The following MGAT4C variants were observed in gnomAD, a reference collection of about 807,000 sequenced individuals.
MGAT4C encodes the protein alpha-1,3-mannosyl-glycoprotein 4-beta-N-acetylglucosaminyltransferase C.
Under a neutral mutation model 40.1 loss-of-function variants are expected in MGAT4C, and 19 were observed. The ratio of observed to expected loss-of-function variants is 0.47; its 90% CI spans 0.33 to 0.70. MGAT4C has a LOEUF of 0.70. Among genes scored for constraint, MGAT4C ranks in the 30% least tolerant of loss-of-function variants. MGAT4C has a pLI of 0.02. For missense variants in MGAT4C, 491 were observed against 563.2 expected, an observed-to-expected ratio of 0.87 and a Z score of 1.30; for synonymous variants, 181 against 187.1, an observed-to-expected ratio of 0.97 and a Z score of 0.27.
In MGAT4C at chr12:85,978,227, T is replaced by C. The variant is rs1884156861; in HGVS notation, c.*1062A>G. ...AAATAGAACACAAAGCATAAATCTG[T>C]CAGGAGAAATCATACGAGAAAAAGA... On this transcript the variant is annotated 3_prime_UTR_variant, in exon 5 of 5. Coordinates refer to ENST00000611864, the MANE Select transcript of MGAT4C (RefSeq NM_001351288.2). 1 of 151,626 alleles carries C rather than the reference T, an allele frequency of 6.6e-6. No homozygotes were observed. The highest frequency in any genetic ancestry group is 2.4e-5 in the African/African-American group (1 of 41,380). 9.4% of individuals were successfully genotyped at this position (151,626 alleles called of 1,614,324 possible).
intron 3 of MGAT4C, among the ~76,000 whole-genome samples, chr12:86,388,828 C>G (rs1225177872): frequency 1.3e-5 from 2 of 151,536 alleles, no homozygotes; most frequent in Non-Finnish European, 2.9e-5. Context: ...ATTACAGGCA[C>G]CAGCCACCAT....
At chr12:86,616,808 T>C (rs1373866282) in intron 2 of MGAT4C, among the ~76,000 whole-genome samples, 1 of 151,964 alleles carries the variant, frequency 6.6e-6, no homozygotes, top group Non-Finnish European at 1.5e-5. Context: ...AGTAAACATA[T>C]GTATCCACAT....
At position 85,979,283 on chromosome 12, in the gene MGAT4C, A is replaced by G. The variant is rs1218816197; in HGVS notation, c.*6T>C. 1 of 1,572,170 alleles carries G rather than the reference A, an allele frequency of 6.4e-7. No homozygotes were observed. Among genetic ancestry groups the G allele is most frequent in the South Asian group, 1.2e-5 (1 of 83,830 alleles). On this transcript the variant is annotated 3_prime_UTR_variant, in exon 5 of 5. Transcript: ENST00000611864. The stretch of plus-strand genomic sequence containing the variant: ...CTTCAGAAACTGAACATACTGATTT[A>G]ATTGGCTAAGAAGTCCAAATGCTAA...
chr12:86,468,067 G>A (rs557265029), intron 2 of MGAT4C, among the ~76,000 whole-genome samples: 55 of 152,056 alleles, frequency 3.6e-4, no homozygotes, highest in Non-Finnish European at 6.5e-4. Flanking sequence ...TGTCTCAAAT[G>A]AATATCCACA....
chr12:86,024,220 C>T (rs1321961283), intron 2 of MGAT4C, among the ~76,000 whole-genome samples: 8 of 151,732 alleles, frequency 5.3e-5, no homozygotes, highest in African/African-American at 1.9e-4. Context: ...GCGTAAATAA[C>T]GTTAAACTGG....
intron 3 of MGAT4C, among the ~76,000 whole-genome samples, chr12:86,376,510 A>G (rs2136215934): frequency 6.6e-6 from 1 of 152,272 alleles, no homozygotes. Flanking sequence ...TCCTGTGCCT[A>G]GAACAATATA....
At chr12:86,529,562 C>T (rs1196695277) in intron 2 of MGAT4C, among the ~76,000 whole-genome samples, 1 of 151,928 alleles carries the variant, frequency 6.6e-6, no homozygotes, top group Non-Finnish European at 1.5e-5. Flanking sequence ...AACTGCACTG[C>T]CAAACTTATT....
At chr12:86,145,842 A>G (rs2135751644) in intron 1 of MGAT4C, among the ~76,000 whole-genome samples, 1 of 152,192 alleles carries the variant, frequency 6.6e-6, no homozygotes. Flanking sequence ...ATCCTTCACT[A>G]TAACAAAGAA....
chr12:86,303,974 G>T (rs986318343), intron 4 of MGAT4C, among the ~76,000 whole-genome samples: 1 of 150,112 alleles, frequency 6.7e-6, no homozygotes, highest in Admixed American at 6.6e-5. Flanking sequence ...TACTGGAATA[G>T]AAAGTAGGCA....
intron 1 of MGAT4C, among the ~76,000 whole-genome samples, chr12:86,063,039 T>A (rs985708865): frequency 3.3e-5 from 5 of 151,902 alleles, no homozygotes; most frequent in Admixed American, 3.3e-4. Flanking sequence ...ACAAAGATAC[T>A]CTTCAAGAAG....
chr12:86,789,339 A>G (rs1951984530), intron 1 of MGAT4C, among the ~76,000 whole-genome samples: 1 of 152,118 alleles, frequency 6.6e-6, no homozygotes, highest in Admixed American at 6.5e-5. Flanking sequence ...AGAACAGCAA[A>G]CCCGATCTAT....
In MGAT4C at chr12:86,126,930, G is replaced by C. The variant is rs543338047; in HGVS notation, c.-56-77207C>G. 1.2e-4 allele frequency among the ~76,000 whole-genome samples: 18 copies of C among 152,264 alleles called. No individual in the cohort carries two copies. In the South Asian group the frequency reaches 3.5e-3, roughly 30 times the overall value. ...GCGGGGATGGTTTCAGGATGAAACT[G>C]TTCCACCTCAGATTATCAGGCATTA... On this transcript the variant is annotated intron_variant, in intron 1 of 4. Coordinates refer to ENST00000611864, the MANE Select transcript of MGAT4C (RefSeq NM_001351288.2).
intron 4 of MGAT4C, among the ~76,000 whole-genome samples, chr12:86,333,583 AAAG>A (rs2136175844): frequency 6.6e-6 from 1 of 152,308 alleles, no homozygotes; most frequent in Admixed American, 6.5e-5. Context: ...ATGACAGAGC[AAAG>A]AAGAAAAGTG....
Position 86,490,008 on chromosome 12 carries a change from C to T in MGAT4C, c.-228-54743G>A, listed in dbSNP as rs952709662. On this transcript the variant is annotated intron_variant, in intron 2 of 7. Transcript: ENST00000548651. ...AGTTGGAAAACACTCTGCAGGATAT[C>T]ATCCAGGAGAACTTCCCCAATCTAG... Among the ~76,000 whole-genome samples, 11 of 152,260 alleles carry T rather than the reference C, an allele frequency of 7.2e-5. 1 individual carries two copies. Among genetic ancestry groups the T allele is most frequent in the Admixed American group, 3.3e-4 (5 of 15,292 alleles).
At chr12:86,297,697 C>CT (rs1953714536) in intron 4 of MGAT4C, among the ~76,000 whole-genome samples, 1 of 152,014 alleles carries the variant, frequency 6.6e-6, no homozygotes, top group Admixed American at 6.6e-5. Flanking sequence ...TTTGTTGCAC[C>CT]TTTGACTACT....
upstream of MGAT4C, chr12:86,256,539 T>C (rs1401158456): frequency 6.6e-6 from 1 of 152,168 alleles, no homozygotes; most frequent in Admixed American, 6.6e-5. Context: ...TTTCTGACTA[T>C]AATTTCTGCC....
chr12:86,369,493 A>G (rs188316518), intron 3 of MGAT4C, among the ~76,000 whole-genome samples: 6 of 151,542 alleles, frequency 4.0e-5, no homozygotes, highest in Non-Finnish European at 8.9e-5. Flanking sequence ...TCATTTTTAT[A>G]TCTGATATAG....
chr12:86,075,780 G>A (rs2135528318), intron 1 of MGAT4C, among the ~76,000 whole-genome samples: 1 of 152,310 alleles, frequency 6.6e-6, no homozygotes, highest in African/African-American at 2.4e-5. Context: ...CCCAAGCTCT[G>A]TGTTGCCCCC....
intron 1 of MGAT4C, among the ~76,000 whole-genome samples, chr12:86,834,325 G>C (rs1593250718): frequency 6.6e-6 from 1 of 151,712 alleles, no homozygotes; most frequent in African/African-American, 2.4e-5. Context: ...AAGGGGCAGG[G>C]TTTAATATTA....
Sources: allele counts gnomAD v4.1 joint callset (sites outside exome capture counted in the v4.1 genomes callset), GRCh38; gene constraint gnomAD v4.1.1; transcripts MANE v1.5; gene names NCBI Gene and HGNC (gene_info 2026-07-23, HGNC 2026-07-21).